Variants in EPHA4 observed in about 807,000 individuals in gnomAD.
EPHA4 encodes the protein ephrin type-A receptor 4.
A neutral mutation model predicts 108.3 loss-of-function variants in EPHA4; 19 were observed. The observed-to-expected ratio is 0.18, with a 90% CI of 0.12 to 0.26. EPHA4 has a LOEUF of 0.26. Ranked by LOEUF, EPHA4 falls within the 10% of genes least tolerant of loss-of-function variation. EPHA4 has a pLI of 1.00. For missense variants in EPHA4, 917 were observed against 1,254.0 expected (o/e 0.73, Z 4.06); for synonymous variants, 449 against 455.5 (o/e 0.99, Z 0.18).
At chr2:221,486,269 C>T (rs532379315) in intron 4 of EPHA4, among the ~76,000 whole-genome samples, 13 of 152,318 alleles carry the variant, frequency 8.5e-5, no homozygotes, top group Admixed American at 7.8e-4. Flanking sequence ...CTACCCACTA[C>T]TAGCCTCAAT....
At position 221,524,456 on chromosome 2, in the gene EPHA4, G is replaced by A. The variant is rs144383951; in HGVS notation, c.824-23284C>T. Among the ~76,000 whole-genome samples, 939 of 152,320 alleles carry A rather than the reference G, an allele frequency of 6.2e-3. 7 individuals are homozygous for A. The highest frequency in any genetic ancestry group is 9.2e-3 in the Non-Finnish European group (624 of 68,038). The stretch of plus-strand genomic sequence containing the variant: ...GAATGAGAATGAGGATGTAGGCAGT[G>A]GTTGGTCCATGTTACATCTTAGTAG... On this transcript the variant is annotated intron_variant, in intron 3 of 17. Coordinates refer to ENST00000281821, the MANE Select transcript of EPHA4 (RefSeq NM_004438.5).
At chr2:221,516,365 T>C (rs2106169693) in intron 3 of EPHA4, among the ~76,000 whole-genome samples, 1 of 151,068 alleles carries the variant, frequency 6.6e-6, no homozygotes, top group East Asian at 1.9e-4. Flanking sequence ...TTTTTTTTTT[T>C]TTTTTTTGAG....
At chr2:221,456,520 T>C (rs1559248782) in intron 7 of EPHA4, 93 bp downstream of exon 7, 2 of 1,374,266 alleles carry the variant, frequency 1.5e-6, no homozygotes, top group Non-Finnish European at 2.0e-6. Flanking sequence ...GAACCAAAAA[T>C]TACAGACAAC....
intron 3 of EPHA4, among the ~76,000 whole-genome samples, chr2:221,524,992 GAA>G (rs529373298): frequency 6.6e-6 from 1 of 151,752 alleles, no homozygotes; most frequent in South Asian, 2.1e-4. Context: ...GCTGGAGAGA[GAA>G]AAAAAGAGGC....
intron 11 of EPHA4, among the ~76,000 whole-genome samples, chr2:221,440,475 G>A (rs766539799): frequency 3.9e-5 from 6 of 152,120 alleles, no homozygotes; most frequent in Admixed American, 6.6e-5. Flanking sequence ...GGCTCTGGGC[G>A]GCCCTGAAGG....
At chr2:221,501,548 G>A (rs1273122361) in intron 3 of EPHA4, among the ~76,000 whole-genome samples, 6 of 152,140 alleles carry the variant, frequency 3.9e-5, no homozygotes, top group African/African-American at 7.2e-5. Flanking sequence ...TTAGAAGTGA[G>A]GAATTTCAGC....
At chr2:221,428,249 G>A (rs561026875) in intron 15 of EPHA4, among the ~76,000 whole-genome samples, 13 of 152,252 alleles carry the variant, frequency 8.5e-5, no homozygotes, top group African/African-American at 3.1e-4. Flanking sequence ...ATCTTCACTC[G>A]ATGTCAATTA....
chr2:221,530,357 G>C (rs1048224369), intron 3 of EPHA4, among the ~76,000 whole-genome samples: 15 of 152,224 alleles, frequency 9.9e-5, no homozygotes, highest in African/African-American at 3.6e-4. Context: ...TGATCACACT[G>C]TTACTTTCAT....
chr2:221,524,499 CTAGT>C (rs1559278872), intron 3 of EPHA4, among the ~76,000 whole-genome samples: 1 of 152,166 alleles, frequency 6.6e-6, no homozygotes, highest in East Asian at 1.9e-4. Context: ...TAGAACCCAC[CTAGT>C]TAGACTTACA....
chr2:221,497,185 TC>T (rs1303722781), intron 4 of EPHA4, among the ~76,000 whole-genome samples: 6 of 152,148 alleles, frequency 3.9e-5, no homozygotes, highest in Admixed American at 1.3e-4. Flanking sequence ...ATTGATTAGA[TC>T]CCTACCAGGT....
chr2:221,442,898 T>G lies in EPHA4; in HGVS notation c.2005A>C (p.Ser669Arg), dbSNP rs1463272908. Residue 669 changes from serine to arginine, a missense_variant, in exon 11 of 18, where the codon AGT becomes CGT. Physicochemically the swap from Ser to Arg is moderately radical, Grantham distance 110 (BLOSUM62 -1). Coordinates refer to ENST00000281821, the MANE Select transcript of EPHA4 (RefSeq NM_004438.5). ...YTDKQRRDFL[S>R]EASIMGQFDH... ...AACTGTCCCATGATGCTGGCCTCAC[T>G]CAGGAAGTCTCTCCTCTGTTTGTCT... 1 of 1,614,076 alleles carries G rather than the reference T, an allele frequency of 6.2e-7. No homozygotes were observed. Among genetic ancestry groups the G allele is most frequent in the African/African-American group, 1.3e-5 (1 of 74,934 alleles).
At chr2:221,492,472 A>G (rs1351889249) in intron 4 of EPHA4, among the ~76,000 whole-genome samples, 3 of 152,186 alleles carry the variant, frequency 2.0e-5, no homozygotes, top group Non-Finnish European at 4.4e-5. Context: ...TCTGGGGTCT[A>G]TCTAGTGCCT....
rs569859423 is a variant in EPHA4, at chr2:221,516,400, G to T, written c.824-15228C>A. Among the ~76,000 whole-genome samples the T allele has an allele frequency of 4.1e-5, 6 of 148,000 alleles. No individual in the cohort carries two copies. The South Asian group carries it at 1.3e-3, about 32-fold the overall frequency. On this transcript the variant is annotated intron_variant, in intron 3 of 17. Transcript: ENST00000281821. ...GACGCAGTCTTGCTCTGTCCTGTAG[G>T]CTGGAGTGCAGAGGCACGATCTCGG...
rs144077750 is a variant in EPHA4, at chr2:221,501,135, A to G, written c.861T>C (p.Asp287=). The change falls in exon 4 of 18, where the codon GAT becomes GAC. Residue 287 remains aspartate (D), a synonymous_variant. Coordinates refer to ENST00000281821, the MANE Select transcript of EPHA4 (RefSeq NM_004438.5). ...GGGGTGGGCACTTGGCACAGGTGGCATCCGTGGAGAGAGCCTTGTAATATC... is the reference window on the plus strand; with the variant it reads ...GGGGTGGGCACTTGGCACAGGTGGCGTCCGTGGAGAGAGCCTTGTAATATC... ...KIGYYKALST[D]ATCAKCPPHS... The G allele has an allele frequency of 7.6e-5, 123 of 1,612,692 alleles. No homozygotes were observed. Among genetic ancestry groups the G allele is most frequent in the Non-Finnish European group, 9.5e-5 (112 of 1,179,400 alleles).
chr2:221,447,845 A>ATTTT (rs1559244929), intron 8 of EPHA4, among the ~76,000 whole-genome samples: 1 of 139,176 alleles, frequency 7.2e-6, no homozygotes, highest in Non-Finnish European at 1.6e-5. Context: ...TTATTTATTT[A>ATTTT]ATTTATTATT....
intron 4 of EPHA4, among the ~76,000 whole-genome samples, chr2:221,487,118 A>G (rs1385243637): frequency 7.1e-6 from 1 of 141,418 alleles, no homozygotes; most frequent in Non-Finnish European, 1.6e-5. Context: ...GCTGGGAGAG[A>G]TTGTGAATCA....
At chr2:221,516,128 C>T (rs943876805) in intron 3 of EPHA4, among the ~76,000 whole-genome samples, 1 of 152,096 alleles carries the variant, frequency 6.6e-6, no homozygotes, top group African/African-American at 2.4e-5. Context: ...AATCCGTTCC[C>T]TGCTATGTAG....
At chr2:221,521,017 C>T (rs556527627) in intron 3 of EPHA4, among the ~76,000 whole-genome samples, 18 of 152,296 alleles carry the variant, frequency 1.2e-4, no homozygotes, top group South Asian at 4.1e-4. Flanking sequence ...CCCCCTTTGA[C>T]GCTTTTTAGA....
rs552374804 is a variant in EPHA4 at position 221,425,890 on chromosome 2, C to G, written c.*138G>C. 1.3e-6 allele frequency: 1 copy of G among 747,108 alleles called. No individual in the cohort carries two copies. The allele number at this position is 747,108 out of a possible 1,614,324, so 46.3% of individuals were successfully genotyped here. On this transcript the variant is annotated 3_prime_UTR_variant, in exon 17 of 18. Coordinates refer to ENST00000281821, the MANE Select transcript of EPHA4 (RefSeq NM_004438.5). ...TTTCAGCAATCTGTGCACCAAGCAA[C>G]GCTGCAGATATTGTTTTTTTTTTTC... is the stretch of plus-strand genomic sequence containing the variant.
Sources: allele counts gnomAD v4.1 joint callset (sites outside exome capture counted in the v4.1 genomes callset), GRCh38; gene constraint gnomAD v4.1.1; transcripts MANE v1.5; gene names NCBI Gene and HGNC (gene_info 2026-07-23, HGNC 2026-07-21).